The following KCNH5 variants were observed in gnomAD, a reference collection of about 807,000 sequenced individuals.
KCNH5 encodes potassium voltage-gated channel subfamily H member 5.
Under a neutral mutation model 96.1 loss-of-function variants are expected in KCNH5, and 46 were observed. The ratio of observed to expected loss-of-function variants is 0.48; its 90% CI spans 0.38 to 0.61. KCNH5 has a LOEUF of 0.61. KCNH5 is among the 20% of genes least tolerant of loss of function. The pLI is 0.00. For synonymous variants in KCNH5, 439 were observed against 449.8 expected, an observed-to-expected ratio of 0.98 and a Z score of 0.30; for missense variants, 907 against 1,225.8, an observed-to-expected ratio of 0.74 and a Z score of 3.88.
chr14:62,843,413 T>A lies in KCNH5; in HGVS notation c.1569+6240A>T, dbSNP rs1595650829. Among the ~76,000 whole-genome samples the A allele has an allele frequency of 3.1e-5, 3 of 95,904 alleles. No individual in the cohort carries two copies. In the East Asian group the frequency reaches 1.2e-3, roughly 40 times the overall value. The allele number at this position is 95,904 out of a possible 152,430, so 62.9% of individuals were successfully genotyped here. A position where few individuals can be genotyped will look rare whatever the true frequency, so the allele number is the denominator to read the frequency against. On this transcript the variant is annotated intron_variant, in intron 8 of 10. Transcript: ENST00000322893. The stretch of plus-strand genomic sequence containing the variant: ...TCACATGGATATATTTACATGGCTT[T>A]TTTTTTTTTTTTTTTTTTGACAGTA...
chr14:62,858,251 G>T (rs1366941015), intron 7 of KCNH5, among the ~76,000 whole-genome samples: 2 of 152,146 alleles, frequency 1.3e-5, no homozygotes, highest in Non-Finnish European at 2.9e-5. Flanking sequence ...TTTGCCTTCA[G>T]CAAGCACTTC....
chr14:62,830,345 C>T (rs1887315704), intron 8 of KCNH5, among the ~76,000 whole-genome samples: 1 of 152,160 alleles, frequency 6.6e-6, no homozygotes, highest in Non-Finnish European at 1.5e-5. Flanking sequence ...TATAGTAGTA[C>T]CTCACTCTTC....
At chr14:62,961,683 AATGGAGATGGAGAT>A (rs1002270647) in intron 6 of KCNH5, among the ~76,000 whole-genome samples, 3 of 151,606 alleles carry the variant, frequency 2.0e-5, no homozygotes, top group East Asian at 1.9e-4. Flanking sequence ...TGAAAATGGA[AATGGAGATGGAGAT>A]ATGGAGATGG....
chr14:63,022,047 G>A (rs181277751), intron 1 of KCNH5, among the ~76,000 whole-genome samples: 9 of 152,058 alleles, frequency 5.9e-5, no homozygotes, highest in Non-Finnish European at 1.0e-4. Flanking sequence ...GTAAACTCTC[G>A]ATCTTGATAT....
intron 6 of KCNH5, among the ~76,000 whole-genome samples, chr14:62,973,045 T>C (rs1027156299): frequency 6.6e-6 from 1 of 152,192 alleles, no homozygotes; most frequent in Non-Finnish European, 1.5e-5. Flanking sequence ...GTTCATCAAT[T>C]GTAACAGATG....
At chr14:62,711,398 C>T (rs181419189) in intron 10 of KCNH5, among the ~76,000 whole-genome samples, 1 of 152,192 alleles carries the variant, frequency 6.6e-6, no homozygotes, top group East Asian at 1.9e-4. Context: ...ATTTTGCTGT[C>T]GAGAAATGTA....
Position 62,728,664 on chromosome 14 carries a change from G to A in KCNH5, c.2020-20209C>T, listed in dbSNP as rs116024470. ...CGTCATTCATATATTCATTAGATAT[G>A]TGATTCTGGAGAAGTTATTTAACCT... is the stretch of plus-strand genomic sequence containing the variant. On this transcript the variant is annotated intron_variant, in intron 10 of 10. Transcript: ENST00000322893. Among the ~76,000 whole-genome samples the A allele has an allele frequency of 4.0e-3, 615 of 152,300 alleles. 2 individuals carry two copies. The highest frequency in any genetic ancestry group is 0.014 in the African/African-American group (572 of 41,566).
chr14:62,751,385 C>T (rs904373421), intron 10 of KCNH5, among the ~76,000 whole-genome samples: 1 of 152,170 alleles, frequency 6.6e-6, no homozygotes, highest in African/African-American at 2.4e-5. Context: ...TTCTTACCTG[C>T]CATGTCATTG....
At chr14:62,766,204 G>A (rs1271862250) in intron 10 of KCNH5, among the ~76,000 whole-genome samples, 1 of 152,058 alleles carries the variant, frequency 6.6e-6, no homozygotes, top group African/African-American at 2.4e-5. Context: ...TGGAAAAACG[G>A]GACATCTTGT....
At chr14:62,976,900 TGAAG>T (rs1890510889) in intron 6 of KCNH5, among the ~76,000 whole-genome samples, 2 of 152,294 alleles carry the variant, frequency 1.3e-5, no homozygotes, top group African/African-American at 4.8e-5. Flanking sequence ...ATCAATGTAA[TGAAG>T]GGAGATTTAG....
chr14:62,975,054 A>G (rs1483111189), intron 6 of KCNH5, among the ~76,000 whole-genome samples: 1 of 152,150 alleles, frequency 6.6e-6, no homozygotes, highest in Non-Finnish European at 1.5e-5. Context: ...ATTTAGCTAT[A>G]CACTCCTTTC....
At chr14:63,012,009 T>C (rs1371291367) in intron 2 of KCNH5, among the ~76,000 whole-genome samples, 1 of 152,152 alleles carries the variant, frequency 6.6e-6, no homozygotes, top group Non-Finnish European at 1.5e-5. Flanking sequence ...ACCTGATTGT[T>C]CTTCTCACCC....
chr14:62,751,028 T>C (rs1885487815), intron 10 of KCNH5, among the ~76,000 whole-genome samples: 2 of 152,080 alleles, frequency 1.3e-5, no homozygotes, highest in Admixed American at 1.3e-4. Flanking sequence ...AGGGTGCCTG[T>C]GGGTTTAGGC....
chr14:62,970,073 T>TAAAAAAAAAAAAAAAAAAAA (rs1284748914), intron 6 of KCNH5, among the ~76,000 whole-genome samples: 11 of 112,192 alleles, frequency 9.8e-5, no homozygotes, highest in African/African-American at 1.6e-4. Context: ...AAAAAAAAAT[T>TAAAAAAAAAAAAAAAAAAAA]AAATCAATAA....
In KCNH5 at chr14:62,841,911, C is replaced by A. The variant is rs557812097; in HGVS notation, c.1569+7742G>T. On this transcript the variant is annotated intron_variant, in intron 8 of 10. Transcript: ENST00000322893. ...TTATCCATGGACCTCTGTAAACAATCCTACCTTCTCATTTCTGGACTGTGG... is the reference window on the plus strand; with the variant it reads ...TTATCCATGGACCTCTGTAAACAATACTACCTTCTCATTTCTGGACTGTGG... 4.9e-4 allele frequency among the ~76,000 whole-genome samples: 75 copies of A among 152,346 alleles called. 1 individual carries two copies. The highest frequency in any genetic ancestry group is 1.6e-3 in the African/African-American group (67 of 41,582).
intron 10 of KCNH5, chr14:62,712,741 T>C (rs774103937): frequency 6.4e-6 from 5 of 775,370 alleles, no homozygotes; most frequent in Non-Finnish European, 1.2e-5. Flanking sequence ...TTGAACACAA[T>C]TGAAGCTGTA....
chr14:62,737,273 A>G (rs1247416992), intron 10 of KCNH5, among the ~76,000 whole-genome samples: 1 of 152,170 alleles, frequency 6.6e-6, no homozygotes, highest in Non-Finnish European at 1.5e-5. Flanking sequence ...ATGCACCCTA[A>G]ATACCTAGAA....
At position 62,879,107 on chromosome 14, in the gene KCNH5, A is replaced by G. The variant is rs902759987; in HGVS notation, c.1370-29255T>C. Among the ~76,000 whole-genome samples the G allele has an allele frequency of 2.7e-4, 41 of 152,144 alleles. 1 individual carries two copies. The highest frequency in any genetic ancestry group is 4.4e-5 in the Non-Finnish European group (3 of 68,020). On this transcript the variant is annotated intron_variant, in intron 7 of 10. Transcript: ENST00000322893. ...ATACTAATGACTAATAAAAACAAAA[A>G]CAATTATCAAAATCATTAGTAATCA...
At chr14:63,018,421 G>A (rs942593836) in intron 1 of KCNH5, among the ~76,000 whole-genome samples, 2 of 151,956 alleles carry the variant, frequency 1.3e-5, no homozygotes, top group Non-Finnish European at 1.5e-5. Context: ...CATAGGGTGA[G>A]ACAATAAGGA....
Sources: allele counts gnomAD v4.1 joint callset (sites outside exome capture counted in the v4.1 genomes callset), GRCh38; gene constraint gnomAD v4.1.1; transcripts MANE v1.5; gene names NCBI Gene and HGNC (gene_info 2026-07-23, HGNC 2026-07-21).